Variants in SDCCAG8 observed in about 807,000 individuals in gnomAD.
The protein encoded by SDCCAG8 is SHH signaling and ciliogenesis regulator SDCCAG8, also known as serologically defined colon cancer antigen 8.
A neutral mutation model predicts 101.8 loss-of-function variants in SDCCAG8; 74 were observed. The ratio of observed to expected loss-of-function variants is 0.73; its 90% CI spans 0.60 to 0.88. SDCCAG8 has a LOEUF of 0.88. SDCCAG8 is among the 40% of genes least tolerant of loss of function. The pLI, the probability that SDCCAG8 is intolerant of heterozygous loss-of-function variation, is 0.00. For synonymous variants in SDCCAG8, 281 were observed against 292.9 expected (o/e 0.96, Z 0.41); for missense variants, 787 against 822.6 (o/e 0.96, Z 0.53).
At position 243,466,154 on chromosome 1, in the gene SDCCAG8, C is replaced by G. The variant is rs61697913; in HGVS notation, c.1986-22860C>G. ...TTCATTTTGGGGGCCCCAGTTAACA[C>G]CCAAAGGATGGCAATTTATGAGGCC... is the stretch of plus-strand genomic sequence containing the variant. On this transcript the variant is annotated intron_variant, in intron 16 of 17. Coordinates refer to ENST00000366541, the MANE Select transcript of SDCCAG8 (RefSeq NM_006642.5). 1.4e-3 allele frequency among the ~76,000 whole-genome samples: 215 copies of G among 152,326 alleles called. 1 individual carries two copies. Among genetic ancestry groups the G allele is most frequent in the African/African-American group, 4.8e-3 (200 of 41,566 alleles).
chr1:243,462,848 AAAAACAAAAC>A lies in SDCCAG8; in HGVS notation c.1986-26151_1986-26142del, dbSNP rs752449023. ...ATTTGCCTTCTCTCATCTTTTGGCA[AAAAACAAAAC>A]AAAACAAAACAAAAAAAAACCCTAG... On this transcript the variant is annotated intron_variant, in intron 16 of 17. Coordinates refer to ENST00000366541, the MANE Select transcript of SDCCAG8 (RefSeq NM_006642.5). 1.9e-3 allele frequency among the ~76,000 whole-genome samples: 284 copies of A among 151,754 alleles called. 1 individual carries two copies. The highest frequency in any genetic ancestry group is 9.1e-3 in the East Asian group (47 of 5,184).
intron 9 of SDCCAG8, among the ~76,000 whole-genome samples, chr1:243,328,291 T>A (rs568165126): frequency 6.7e-6 from 1 of 148,796 alleles, no homozygotes; most frequent in South Asian, 2.1e-4. Flanking sequence ...TTTTGTGTGT[T>A]TTTTGGGGAC....
chr1:243,344,316 T>C lies in SDCCAG8; in HGVS notation c.1458T>C (p.Leu486=). Residue 486 remains leucine, a synonymous_variant, in exon 12 of 18, where the codon CTT becomes CTC. Coordinates refer to ENST00000366541, the MANE Select transcript of SDCCAG8 (RefSeq NM_006642.5). ...REFRAKTNRD[L]EIKDQEIEKL... is the part of the protein sequence containing the mutation. The stretch of plus-strand genomic sequence containing the variant: ...TCAGAGCAAAAACTAACAGGGATCT[T>C]GAAATTAAAGATCAGGTAAGAGAGG... 1 of 1,611,752 alleles carries C rather than the reference T, an allele frequency of 6.2e-7. No homozygotes were observed. Among genetic ancestry groups the C allele is most frequent in the Non-Finnish European group, 8.5e-7 (1 of 1,177,888 alleles).
chr1:243,482,176 A>T (rs1441738881), intron 16 of SDCCAG8, among the ~76,000 whole-genome samples: 1 of 152,232 alleles, frequency 6.6e-6, no homozygotes, highest in Non-Finnish European at 1.5e-5. Context: ...TCTGTTTTGC[A>T]TAAGATATTT....
intron 4 of SDCCAG8, among the ~76,000 whole-genome samples, chr1:243,281,791 T>A (rs1331848819): frequency 6.6e-6 from 1 of 151,492 alleles, no homozygotes; most frequent in Non-Finnish European, 1.5e-5. Context: ...ACTACAGACA[T>A]GCACCACTAT....
intron 9 of SDCCAG8, among the ~76,000 whole-genome samples, chr1:243,317,872 G>C (rs1468052033): frequency 6.6e-6 from 1 of 152,286 alleles, no homozygotes; most frequent in Non-Finnish European, 1.5e-5. Context: ...TGCAGATATA[G>C]AGCATTTTCA....
intron 16 of SDCCAG8, among the ~76,000 whole-genome samples, chr1:243,471,714 C>T (rs767695504): frequency 6.6e-5 from 10 of 152,020 alleles, no homozygotes; most frequent in Non-Finnish European, 1.3e-4. Context: ...GGGAGTTTTA[C>T]GTCGTCCTAG....
chr1:243,279,552 T>C (rs1572929792), intron 4 of SDCCAG8, among the ~76,000 whole-genome samples: 1 of 152,206 alleles, frequency 6.6e-6, no homozygotes, highest in South Asian at 2.1e-4. Context: ...TGCAGCATAA[T>C]AACGTCAAAA....
At chr1:243,271,192 T>C (rs879423274) in intron 3 of SDCCAG8, 129 bp downstream of exon 3, 2 of 684,454 alleles carry the variant, frequency 2.9e-6, no homozygotes, top group Non-Finnish European at 5.4e-6. Context: ...AAAGTAATTC[T>C]CTTCCCTCTG....
At chr1:243,445,918 G>T (rs566288731) in intron 16 of SDCCAG8, among the ~76,000 whole-genome samples, 1 of 152,228 alleles carries the variant, frequency 6.6e-6, no homozygotes, top group African/African-American at 2.4e-5. Context: ...TCATACTTCT[G>T]AATTCAGCAA....
intron 4 of SDCCAG8, among the ~76,000 whole-genome samples, chr1:243,280,896 A>G (rs1243185070): frequency 1.3e-5 from 2 of 152,242 alleles, no homozygotes; most frequent in African/African-American, 4.8e-5. Flanking sequence ...TGGATGAAGT[A>G]GTCTATAAAT....
At chr1:243,415,965 C>T (rs979648629) in intron 14 of SDCCAG8, 136 bp downstream of exon 14, 8 of 982,052 alleles carry the variant, frequency 8.1e-6, no homozygotes, top group East Asian at 2.6e-5. Flanking sequence ...CCGGAGATTC[C>T]GAATTACATA....
intron 12 of SDCCAG8, among the ~76,000 whole-genome samples, chr1:243,356,419 G>GT (rs761695082): frequency 0.044 from 4,349 of 98,336 alleles, 241 homozygotes; most frequent in Middle Eastern, 0.18. Context: ...AAAAGTAGTG[G>GT]CGGGGGGGTG....
chr1:243,259,546 G>A (rs964064353), intron 1 of SDCCAG8, among the ~76,000 whole-genome samples: 1 of 152,020 alleles, frequency 6.6e-6, no homozygotes, highest in Non-Finnish European at 1.5e-5. Flanking sequence ...GAGGTTGGGC[G>A]CGGTGGCTCA....
At chr1:243,275,135 A>G (rs2068430446) in intron 4 of SDCCAG8, among the ~76,000 whole-genome samples, 1 of 152,216 alleles carries the variant, frequency 6.6e-6, no homozygotes, top group Non-Finnish European at 1.5e-5. Context: ...GACAGTAATG[A>G]TCAAGAAACC....
At chr1:243,376,863 A>G (rs1344606757) in intron 12 of SDCCAG8, among the ~76,000 whole-genome samples, 1 of 152,186 alleles carries the variant, frequency 6.6e-6, no homozygotes, top group Non-Finnish European at 1.5e-5. Context: ...GTCATATTGC[A>G]TACCTGTTTA....
At chr1:243,276,630 C>T (rs1273550609) in intron 4 of SDCCAG8, among the ~76,000 whole-genome samples, 5 of 152,146 alleles carry the variant, frequency 3.3e-5, no homozygotes, top group Non-Finnish European at 5.9e-5. Context: ...AACTGATGAA[C>T]CACTATTGTT....
At chr1:243,499,591 CAAG>C in intron 17 of SDCCAG8, 162 bp from the exon 18 acceptor site, 1 of 677,566 alleles carries the variant, frequency 1.5e-6, no homozygotes. Flanking sequence ...TTGATGTGGA[CAAG>C]ATGAGGCACA....
At chr1:243,322,335 G>A (rs781223016) in intron 9 of SDCCAG8, among the ~76,000 whole-genome samples, 3 of 152,178 alleles carry the variant, frequency 2.0e-5, no homozygotes, top group Admixed American at 1.3e-4. Context: ...GTCTGCCAGG[G>A]TGGTGGTAAT....
Sources: gnomAD v4.1 joint callset for allele counts (sites outside exome capture counted in the v4.1 genomes callset) on GRCh38, gnomAD v4.1.1 for gene constraint, MANE v1.5 for transcripts, NCBI Gene and HGNC (gene_info 2026-07-23, HGNC 2026-07-21) for gene names.